KCNB2: variants seen among roughly 807,000 people sequenced by gnomAD.
KCNB2 encodes the protein potassium voltage-gated channel subfamily B member 2, also known as delayed rectifier potassium channel protein.
KCNB2 carries 15 observed loss-of-function variants against 61.5 expected under a neutral mutation model. The ratio of observed to expected loss-of-function variants is 0.24; its 90% CI spans 0.16 to 0.38. The LOEUF is 0.38. Among genes scored for constraint, KCNB2 ranks in the 10% least tolerant of loss-of-function variants. KCNB2 has a pLI of 1.00. For synonymous variants in KCNB2, 457 were observed against 446.0 expected, an observed-to-expected ratio of 1.02 and a Z score of -0.31; for missense variants, 828 against 1,125.2, an observed-to-expected ratio of 0.74 and a Z score of 3.78.
At chr8:72,615,252 C>T (rs1805599453) in intron 2 of KCNB2, among the ~76,000 whole-genome samples, 3 of 152,316 alleles carry the variant, frequency 2.0e-5, no homozygotes, top group Non-Finnish European at 1.5e-5. Context: ...ACCTGTCTGC[C>T]TCTCACAGGG....
intron 2 of KCNB2, among the ~76,000 whole-genome samples, chr8:72,762,041 G>C (rs150175112): frequency 1.2e-3 from 188 of 152,268 alleles, no homozygotes; most frequent in African/African-American, 4.0e-3. Flanking sequence ...TTGGGGTTTA[G>C]AGATACTTGT....
rs1451509551 is a variant in KCNB2 at position 72,564,028 on chromosome 8, T to C, written c.-93-3614T>C. The stretch of plus-strand genomic sequence containing the variant: ...TGAAGAAAGGGCAGTGAATTTCAGT[T>C]TGTCTTTTATTGCGGGACTTGTAAT... On this transcript the variant is annotated intron_variant, in intron 1 of 2. Transcript: ENST00000523207. Among the ~76,000 whole-genome samples the C allele has an allele frequency of 3.3e-5, 5 of 152,232 alleles. No homozygotes were observed. The East Asian group carries it at 9.6e-4, about 29-fold the overall frequency.
chr8:72,657,201 G>A (rs1047399888), intron 2 of KCNB2, among the ~76,000 whole-genome samples: 1 of 152,138 alleles, frequency 6.6e-6, no homozygotes, highest in Non-Finnish European at 1.5e-5. Flanking sequence ...TGTAGGAATA[G>A]TGGTCAATTA....
At chr8:72,899,744 G>A (rs868470317) in intron 2 of KCNB2, among the ~76,000 whole-genome samples, 1 of 152,072 alleles carries the variant, frequency 6.6e-6, no homozygotes, top group Non-Finnish European at 1.5e-5. Context: ...TAAATAAATG[G>A]AAAAACATCC....
At chr8:72,626,806 T>C (rs921042400) in intron 2 of KCNB2, among the ~76,000 whole-genome samples, 1 of 152,222 alleles carries the variant, frequency 6.6e-6, no homozygotes, top group African/African-American at 2.4e-5. Context: ...TCAGATGCTG[T>C]GTTCTTTCAT....
intron 1 of KCNB2, among the ~76,000 whole-genome samples, chr8:72,556,707 G>A (rs1018810496): frequency 6.6e-6 from 1 of 152,230 alleles, no homozygotes; most frequent in Non-Finnish European, 1.5e-5. Flanking sequence ...ACAGTGTTTT[G>A]AGTATGAGTA....
intron 2 of KCNB2, among the ~76,000 whole-genome samples, chr8:72,576,108 C>A (rs1289082132): frequency 3.9e-5 from 6 of 152,118 alleles, no homozygotes; most frequent in Admixed American, 6.5e-5. Flanking sequence ...TAGGAAAAAA[C>A]AAAACAGCTG....
intron 2 of KCNB2, among the ~76,000 whole-genome samples, chr8:72,823,913 C>A (rs2129001325): frequency 6.6e-6 from 1 of 152,260 alleles, no homozygotes. Context: ...AAAGCCTATA[C>A]CAGTTCTTCA....
rs187723239 is a variant in KCNB2, at chr8:72,598,946, G to A, written c.579+30633G>A. On this transcript the variant is annotated intron_variant, in intron 2 of 2. Transcript: ENST00000523207. ...CAAACCACAACTCAATGAAATAAAA[G>A]AGGATACAAACAAATGGAAGAACAT... is the stretch of plus-strand genomic sequence containing the variant. Among the ~76,000 whole-genome samples the A allele has an allele frequency of 2.2e-4, 34 of 152,294 alleles. No homozygotes were observed. In the East Asian group the frequency reaches 6.2e-3, roughly 28 times the overall value.
rs1397734375 is a variant in KCNB2 at position 72,592,530 on chromosome 8, G to A, written c.579+24217G>A. ...CTACCTAAAATTATGTTGTCTTTGG[G>A]GCTGCTCACAAGTATATTTTTTATG... On this transcript the variant is annotated intron_variant, in intron 2 of 2. Coordinates refer to ENST00000523207, the MANE Select transcript of KCNB2 (RefSeq NM_004770.3). Among the ~76,000 whole-genome samples the A allele has an allele frequency of 2.0e-5, 3 of 151,940 alleles. No individual in the cohort carries two copies. The East Asian group carries it at 5.8e-4, about 29-fold the overall frequency.
chr8:72,699,122 A>G (rs1232976328), intron 2 of KCNB2, among the ~76,000 whole-genome samples: 1 of 152,210 alleles, frequency 6.6e-6, no homozygotes, highest in Non-Finnish European at 1.5e-5. Context: ...AAGGTATGAC[A>G]TCTATAATCT....
At chr8:72,576,119 C>T (rs1223068124) in intron 2 of KCNB2, among the ~76,000 whole-genome samples, 2 of 152,146 alleles carry the variant, frequency 1.3e-5, no homozygotes, top group Non-Finnish European at 2.9e-5. Flanking sequence ...AAAACAGCTG[C>T]TAAAGTACAA....
intron 2 of KCNB2, among the ~76,000 whole-genome samples, chr8:72,766,430 A>G (rs1471953325): frequency 1.3e-5 from 2 of 152,202 alleles, no homozygotes; most frequent in Non-Finnish European, 2.9e-5. Context: ...TTCTAATCTA[A>G]CACAGCCAAG....
At chr8:72,619,911 G>T (rs961070392) in intron 2 of KCNB2, among the ~76,000 whole-genome samples, 1 of 152,108 alleles carries the variant, frequency 6.6e-6, no homozygotes, top group Non-Finnish European at 1.5e-5. Context: ...ATCCAATATG[G>T]TAACTACTGA....
chr8:72,905,212 G>A (rs184723456), intron 2 of KCNB2, among the ~76,000 whole-genome samples: 21 of 152,200 alleles, frequency 1.4e-4, no homozygotes, highest in East Asian at 1.4e-3. Flanking sequence ...AAAGCTCACC[G>A]CAGACTGAGT....
intron 1 of KCNB2, among the ~76,000 whole-genome samples, chr8:72,538,651 T>G (rs1039607042): frequency 3.3e-5 from 5 of 152,206 alleles, no homozygotes; most frequent in African/African-American, 1.2e-4. Context: ...TGAAAAAAAT[T>G]TAGTATGCAC....
chr8:72,638,110 A>G (rs1459945909), intron 2 of KCNB2, among the ~76,000 whole-genome samples: 3 of 152,134 alleles, frequency 2.0e-5, no homozygotes. Flanking sequence ...TAGCAATTTT[A>G]TTCATTCACT....
Position 72,936,355 on chromosome 8 carries a change from G to T in KCNB2, c.1000G>T (p.Glu334Ter). The change falls in exon 3 of 3, where the codon GAA (glutamate) becomes TAA (stop). Residue 334 changes from glutamate (E) to a stop codon, truncating the protein, a stop_gained. Coordinates refer to ENST00000523207, the MANE Select transcript of KCNB2 (RefSeq NM_004770.3). LOFTEE classifies it high-confidence loss of function. This position sits in a 1 kb window ranked among gnomAD's most constrained non-coding sequence, Gnocchi z 5.6. The part of the protein sequence containing the change: ...LGFTLRRSYN[E>*]LGLLILFLAM... ...TTTCACCCTTAGGCGGAGTTACAATGAATTGGGCTTGTTGATATTGTTTCT... is the reference window on the plus strand; with the variant it reads ...TTTCACCCTTAGGCGGAGTTACAATTAATTGGGCTTGTTGATATTGTTTCT... The T allele has an allele frequency of 6.2e-7, 1 of 1,614,236 alleles. No individual in the cohort carries two copies.
chr8:72,563,473 T>G (rs1047202594), intron 1 of KCNB2, among the ~76,000 whole-genome samples: 7 of 152,120 alleles, frequency 4.6e-5, no homozygotes, highest in Non-Finnish European at 7.4e-5. Flanking sequence ...GGCCTCTGTA[T>G]TAAGATTGGC....
Sources: gnomAD v4.1 joint callset for allele counts (sites outside exome capture counted in the v4.1 genomes callset) on GRCh38, gnomAD v4.1.1 for gene constraint, Gnocchi (gnomAD v3.1) non-coding constraint, MANE v1.5 for transcripts, NCBI Gene and HGNC (gene_info 2026-07-23, HGNC 2026-07-21) for gene names.